IL1RAP: variants seen among roughly 807,000 people sequenced by gnomAD.
IL1RAP encodes interleukin-1 receptor accessory protein.
Under a neutral mutation model 60.7 loss-of-function variants are expected in IL1RAP, and 35 were observed. The ratio of observed to expected loss-of-function variants is 0.58; its 90% confidence interval spans 0.44 to 0.76. The LOEUF is 0.76. Ranked by LOEUF, IL1RAP falls within the 30% of genes least tolerant of loss-of-function variation. The pLI, the probability that IL1RAP is intolerant of heterozygous loss-of-function variation, is 0.00. For missense variants in IL1RAP, 572 were observed against 693.9 expected (o/e 0.82, Z 1.97); for synonymous variants, 268 against 250.9 (o/e 1.07, Z -0.64).
Position 190,629,827 on chromosome 3 carries a change from C to T in IL1RAP, c.1051+329C>T, listed in dbSNP as rs1577779263. On this transcript the variant is annotated intron_variant, in intron 9 of 11. Coordinates refer to ENST00000447382, the MANE Select transcript of IL1RAP (RefSeq NM_002182.4). ...TCAAAGCTACCAAAGATAGAAAAAA[C>T]TGGTAGAGCCACATATTGTTGGTGA... 2.9e-6 allele frequency: 3 copies of T among 1,017,130 alleles called. No individual in the cohort carries two copies. In the South Asian group the frequency reaches 1.3e-4, roughly 45 times the overall value. The allele number at this position is 1,017,130 out of a possible 1,614,324, so 63.0% of individuals were successfully genotyped here.
chr3:190,645,925 G>A, intron 11 of IL1RAP, 83 bp downstream of exon 11: 1 of 1,173,140 alleles, frequency 8.5e-7, no homozygotes, highest in Non-Finnish European at 1.2e-6. Flanking sequence ...AGAGAGTCAT[G>A]GCACAGCATC....
intron 3 of IL1RAP, among the ~76,000 whole-genome samples, chr3:190,602,280 C>T (rs143584981): frequency 7.9e-4 from 121 of 152,274 alleles, no homozygotes; most frequent in African/African-American, 2.8e-3. Context: ...CCAGTTCTCA[C>T]GTGTAAGCAA....
intron 2 of IL1RAP, among the ~76,000 whole-genome samples, chr3:190,556,667 T>TAAA (rs1336113131): frequency 6.6e-6 from 1 of 152,212 alleles, no homozygotes; most frequent in Non-Finnish European, 1.5e-5. Flanking sequence ...AATAGAGCAC[T>TAAA]AAACTTGGAC....
At chr3:190,615,732 G>A (rs557691603) in intron 5 of IL1RAP, among the ~76,000 whole-genome samples, 2 of 20,086 alleles carry the variant, frequency 1.0e-4, no homozygotes, top group Non-Finnish European at 1.7e-4. Flanking sequence ...TTGTGGTCAA[G>A]CATTTTTTAT....
At chr3:190,637,319 A>G (rs1350439465) in intron 9 of IL1RAP, among the ~76,000 whole-genome samples, 1 of 152,136 alleles carries the variant, frequency 6.6e-6, no homozygotes, top group Non-Finnish European at 1.5e-5. Context: ...CTTTGTTTTA[A>G]TCTGAAAATG....
chr3:190,626,252 G>T (rs1438958219), intron 7 of IL1RAP, among the ~76,000 whole-genome samples: 3 of 152,076 alleles, frequency 2.0e-5, no homozygotes, highest in Non-Finnish European at 2.9e-5. Context: ...GGGAAACATA[G>T]ATTTTAAAAA....
chr3:190,634,336 T>C (rs1470064373), intron 9 of IL1RAP, among the ~76,000 whole-genome samples: 2 of 150,938 alleles, frequency 1.3e-5, no homozygotes, highest in African/African-American at 4.9e-5. Context: ...TTGCCCAGGC[T>C]GGAGTACAGT....
chr3:190,611,724 G>T (rs1432499522), intron 5 of IL1RAP, among the ~76,000 whole-genome samples: 1 of 152,088 alleles, frequency 6.6e-6, no homozygotes, highest in African/African-American at 2.4e-5. Flanking sequence ...AAAGGCCTTT[G>T]CTTTATAATA....
chr3:190,599,210 T>A (rs1729637803), intron 3 of IL1RAP, among the ~76,000 whole-genome samples: 2 of 152,284 alleles, frequency 1.3e-5, no homozygotes, highest in African/African-American at 2.4e-5. Context: ...TGAATTAGAA[T>A]CCCTATTCCC....
intron 3 of IL1RAP, among the ~76,000 whole-genome samples, chr3:190,565,529 AG>A (rs1038863852): frequency 1.3e-5 from 2 of 152,228 alleles, no homozygotes; most frequent in African/African-American, 4.8e-5. Flanking sequence ...AACCAAAAAT[AG>A]TACTAAAGGA....
intron 9 of IL1RAP, among the ~76,000 whole-genome samples, chr3:190,631,116 G>A (rs986672399): frequency 1.3e-5 from 2 of 152,110 alleles, no homozygotes; most frequent in Admixed American, 6.5e-5. Flanking sequence ...ACATTTGATG[G>A]GAATATCTGC....
intron 1 of IL1RAP, among the ~76,000 whole-genome samples, chr3:190,532,896 G>A (rs759272722): frequency 4.0e-5 from 6 of 151,894 alleles, no homozygotes; most frequent in Admixed American, 1.3e-4. Context: ...TTCCTTTTTC[G>A]GCTCAGGCAG....
intron 7 of IL1RAP, 64 bp from the exon 8 acceptor site, chr3:190,627,255 TTTTG>T: frequency 3.0e-4 from 8 of 26,954 alleles, no homozygotes; most frequent in Non-Finnish European, 3.5e-4. Context: ...TGTCTTTGTT[TTTTG>T]TTTTGTTTTG....
At chr3:190,539,291 G>C (rs1281180646) in intron 1 of IL1RAP, among the ~76,000 whole-genome samples, 6 of 152,168 alleles carry the variant, frequency 3.9e-5, no homozygotes, top group African/African-American at 1.4e-4. Flanking sequence ...GTCAGAGTAA[G>C]ATCCAGAATC....
At chr3:190,609,369 C>T (rs1003521777) in intron 5 of IL1RAP, among the ~76,000 whole-genome samples, 188 bp downstream of exon 5, 1 of 152,136 alleles carries the variant, frequency 6.6e-6, no homozygotes, top group South Asian at 2.1e-4. Context: ...GTGCACAGTA[C>T]TTTGTCTCAG....
intron 11 of IL1RAP, among the ~76,000 whole-genome samples, chr3:190,647,906 G>A (rs1418777315): frequency 1.3e-5 from 2 of 152,110 alleles, no homozygotes; most frequent in Non-Finnish European, 2.9e-5. Context: ...AGTGTCCATT[G>A]GTACTAGAGA....
chr3:190,609,231 A>G lies in IL1RAP; in HGVS notation c.537+50A>G, dbSNP rs41268633. On this transcript the variant is annotated intron_variant, in intron 5 of 11. Coordinates refer to ENST00000447382, the MANE Select transcript of IL1RAP (RefSeq NM_002182.4). ...ATTCTCTCTAATGGCTTATAAAATG[A>G]TAATGCTTATTTGCTGAGTTATATT... 0.068 allele frequency: 85,877 copies of G among 1,268,406 alleles called. 3,421 individuals carry two copies. The highest frequency in any genetic ancestry group is 0.14 in the Admixed American group (6,388 of 44,318). The allele number at this position is 1,268,406 out of a possible 1,614,324, so 78.6% of individuals were successfully genotyped here. A position where few individuals can be genotyped will look rare whatever the true frequency, so the allele number is the denominator to read the frequency against.
At chr3:190,629,761 G>A (rs1560229615) in intron 9 of IL1RAP, 2 of 1,159,606 alleles carry the variant, frequency 1.7e-6, no homozygotes, top group African/African-American at 1.6e-5. Context: ...ACACAATTTT[G>A]TGTCTGTACA....
At chr3:190,536,866 C>G (rs1577531876) in intron 1 of IL1RAP, among the ~76,000 whole-genome samples, 1 of 152,008 alleles carries the variant, frequency 6.6e-6, no homozygotes. Flanking sequence ...TTTATATACA[C>G]ATATGATTCA....
Sources: gnomAD v4.1 joint callset for allele counts (sites outside exome capture counted in the v4.1 genomes callset) on GRCh38, gnomAD v4.1.1 for gene constraint, MANE v1.5 for transcripts, NCBI Gene and HGNC (gene_info 2026-07-23, HGNC 2026-07-21) for gene names.